ZRANB3: variants seen among roughly 807,000 people sequenced by gnomAD.
The protein encoded by ZRANB3 is DNA annealing helicase and endonuclease ZRANB3.
A neutral mutation model predicts 133.8 loss-of-function variants in ZRANB3; 125 were observed. The observed-to-expected ratio is 0.93, with a 90% confidence interval of 0.81 to 1.08. The LOEUF is 1.08. Among genes scored for constraint, ZRANB3 ranks in the 50% least tolerant of loss-of-function variants. The pLI is 0.00. For synonymous variants in ZRANB3, 387 were observed against 432.7 expected, an observed-to-expected ratio of 0.89 and a Z score of 1.31; for missense variants, 1,229 against 1,275.5, an observed-to-expected ratio of 0.96 and a Z score of 0.56.
chr2:135,359,019 C>T (rs1685560748), intron 3 of ZRANB3, among the ~76,000 whole-genome samples: 1 of 151,758 alleles, frequency 6.6e-6, no homozygotes, highest in South Asian at 2.1e-4. Context: ...TGGGAGCCTG[C>T]CCTCCTCATC....
At chr2:135,241,365 C>CTTTTTTTTTTTTTTTT (rs398060565) in intron 12 of ZRANB3, among the ~76,000 whole-genome samples, 2 of 126,110 alleles carry the variant, frequency 1.6e-5, no homozygotes, top group Non-Finnish European at 1.8e-5. Flanking sequence ...ATTCTCTGTT[C>CTTTTTTTTTTTTTTTT]TTTTTTTTTT....
rs573856692 is a variant in ZRANB3 at position 135,269,442 on chromosome 2, G to GA, written c.1207-302dup. Among the ~76,000 whole-genome samples the GA allele has an allele frequency of 9.0e-4, 137 of 152,098 alleles. 1 individual carries two copies. The South Asian group carries it at 0.011, about 13-fold the overall frequency. ...GATGAACGGATTCACATTACCACTG[G>GA]AAAATCTAATAAAATACTTTATAAA... On this transcript the variant is annotated intron_variant, in intron 10 of 20. Transcript: ENST00000264159.
chr2:135,365,963 A>G lies in ZRANB3; in HGVS notation c.181-12335T>C, dbSNP rs369294481. ...ATTATGGTGGAAGTAAAATAAATAA[A>G]TAAAGACACCACTTATTTGTAACAA... is the stretch of plus-strand genomic sequence containing the variant. On this transcript the variant is annotated intron_variant, in intron 3 of 20. Transcript: ENST00000264159. 2.0e-5 allele frequency among the ~76,000 whole-genome samples: 3 copies of G among 152,366 alleles called. No homozygotes were observed. The East Asian group carries it at 5.8e-4, about 29-fold the overall frequency.
intron 1 of ZRANB3, among the ~76,000 whole-genome samples, chr2:135,507,016 G>T (rs960245894): frequency 2.6e-5 from 4 of 152,206 alleles, no homozygotes; most frequent in Non-Finnish European, 4.4e-5. Context: ...AAAAGGGAAA[G>T]CATGAAAGCA....
intron 12 of ZRANB3, among the ~76,000 whole-genome samples, chr2:135,245,356 T>G (rs940366230): frequency 6.6e-6 from 1 of 152,284 alleles, no homozygotes; most frequent in Non-Finnish European, 1.5e-5. Flanking sequence ...CTATGACTAA[T>G]AGAAAAACAA....
At chr2:135,284,836 T>TTTTTC (rs368063446) in intron 8 of ZRANB3, among the ~76,000 whole-genome samples, 4 of 151,252 alleles carry the variant, frequency 2.6e-5, no homozygotes, top group African/African-American at 9.8e-5. Context: ...ATTTCTTCTT[T>TTTTTC]TTTTCTTTTC....
At chr2:135,462,377 G>A (rs1005307054) in intron 2 of ZRANB3, among the ~76,000 whole-genome samples, 3 of 152,096 alleles carry the variant, frequency 2.0e-5, no homozygotes, top group Non-Finnish European at 2.9e-5. Context: ...ACAATTCCAC[G>A]TAACTAAAAA....
chr2:135,260,986 G>A (rs1679936344), intron 12 of ZRANB3, among the ~76,000 whole-genome samples: 3 of 146,156 alleles, frequency 2.1e-5, no homozygotes, highest in Non-Finnish European at 3.0e-5. Context: ...TACTATATAT[G>A]TAGTATATAT....
intron 2 of ZRANB3, among the ~76,000 whole-genome samples, chr2:135,420,769 T>C (rs563048584): frequency 6.6e-6 from 1 of 152,286 alleles, no homozygotes; most frequent in East Asian, 1.9e-4. Flanking sequence ...GTTTTCTTTA[T>C]ATCAATATAA....
Position 135,350,046 on chromosome 2 carries a change from C to G in ZRANB3, c.529G>C (p.Val177Leu). The change falls in exon 5 of 21, where the codon GTA (valine) becomes CTA (leucine). Residue 177 changes from valine to leucine, a missense_variant. Coordinates refer to ENST00000264159, the MANE Select transcript of ZRANB3 (RefSeq NM_032143.4). Reference protein sequence around the residue: ...ATRSRILLPIVQKARRAILLT... With the variant: ...ATRSRILLPILQKARRAILLT... The stretch of plus-strand genomic sequence containing the variant: ...AGAATGGCTCGTCTGGCTTTCTGTA[C>G]TATTGGCAATAAAATCCTGCTGCGA... The G allele has an allele frequency of 6.2e-7, 1 of 1,613,808 alleles. No individual in the cohort carries two copies. The highest frequency in any genetic ancestry group is 8.5e-7 in the Non-Finnish European group (1 of 1,179,854).
chr2:135,501,940 T>C (rs569660831), intron 2 of ZRANB3, among the ~76,000 whole-genome samples: 1 of 152,252 alleles, frequency 6.6e-6, no homozygotes, highest in South Asian at 2.1e-4. Context: ...TGTAAGGTGA[T>C]ATTTTGAGAC....
chr2:135,373,282 C>G (rs181247869), intron 3 of ZRANB3, among the ~76,000 whole-genome samples: 25 of 152,102 alleles, frequency 1.6e-4, no homozygotes, highest in Admixed American at 1.6e-3. Context: ...GTGGAGAAAA[C>G]CAGACAAGTA....
chr2:135,417,777 A>AG (rs757154048), intron 2 of ZRANB3, among the ~76,000 whole-genome samples: 1 of 152,246 alleles, frequency 6.6e-6, no homozygotes, highest in Non-Finnish European at 1.5e-5. Flanking sequence ...AATACTATGC[A>AG]GCCATAAAAA....
intron 16 of ZRANB3, among the ~76,000 whole-genome samples, chr2:135,217,937 T>G (rs1694378062): frequency 6.6e-6 from 1 of 152,166 alleles, no homozygotes; most frequent in African/African-American, 2.4e-5. Flanking sequence ...CTTAGTCTCC[T>G]GAGTAGCTGG....
intron 8 of ZRANB3, among the ~76,000 whole-genome samples, chr2:135,302,672 C>T (rs1008539987): frequency 2.6e-5 from 4 of 151,878 alleles, no homozygotes; most frequent in Non-Finnish European, 2.9e-5. Flanking sequence ...ACTACAGGCA[C>T]GCACCACCAC....
At chr2:135,255,127 T>C (rs1403499779) in intron 12 of ZRANB3, among the ~76,000 whole-genome samples, 1 of 152,146 alleles carries the variant, frequency 6.6e-6, no homozygotes, top group African/African-American at 2.4e-5. Flanking sequence ...TGTGAAGCCA[T>C]TGTTTTAGTC....
chr2:135,354,496 G>A (rs1197509975), intron 3 of ZRANB3, among the ~76,000 whole-genome samples: 1 of 152,104 alleles, frequency 6.6e-6, no homozygotes, highest in Non-Finnish European at 1.5e-5. Flanking sequence ...TAGTGTTTTT[G>A]TTCAAAATAG....
In ZRANB3 at chr2:135,455,496, A is replaced by G. The variant is rs1463290939; in HGVS notation, c.161+48833T>C. ...AGCCACCATGGCCGGCCGACTTCTT[A>G]CACTTTCTAACTACAAGAGTTTCTT... On this transcript the variant is annotated intron_variant, in intron 2 of 20. Transcript: ENST00000264159. 2.1e-5 allele frequency among the ~76,000 whole-genome samples: 3 copies of G among 145,030 alleles called. No individual in the cohort carries two copies. In the East Asian group the frequency reaches 6.4e-4, roughly 31 times the overall value.
chr2:135,358,012 G>A (rs1483315150), intron 3 of ZRANB3, among the ~76,000 whole-genome samples: 3 of 152,192 alleles, frequency 2.0e-5, no homozygotes, highest in African/African-American at 4.8e-5. Flanking sequence ...TATTCCCAGC[G>A]CCTGCTATTT....
Sources: gnomAD v4.1 joint callset for allele counts (sites outside exome capture counted in the v4.1 genomes callset) on GRCh38, gnomAD v4.1.1 for gene constraint, MANE v1.5 for transcripts, NCBI Gene and HGNC (gene_info 2026-07-23, HGNC 2026-07-21) for gene names.